IQSEC1: variants seen among roughly 807,000 people sequenced by gnomAD.
The protein encoded by IQSEC1 is IQ motif and SEC7 domain-containing protein 1.
IQSEC1 carries 31 observed loss-of-function variants against 91.0 expected under a neutral mutation model. The observed-to-expected ratio is 0.34, with a 90% confidence interval of 0.26 to 0.46. The LOEUF is 0.46. Among genes scored for constraint, IQSEC1 ranks in the 20% least tolerant of loss-of-function variants. IQSEC1 has a pLI of 1.00. For missense variants in IQSEC1, 1,388 were observed against 1,575.6 expected (o/e 0.88, Z 2.02); for synonymous variants, 699 against 662.6 (o/e 1.05, Z -0.84).
chr3:13,121,252 T>C (rs534784533), intron 2 of IQSEC1, among the ~76,000 whole-genome samples: 1 of 152,316 alleles, frequency 6.6e-6, no homozygotes, highest in Admixed American at 6.5e-5. Flanking sequence ...CCACAAAGCC[T>C]AAATAGTTAC....
At chr3:13,270,260 T>C (rs909876546) in intron 1 of IQSEC1, among the ~76,000 whole-genome samples, 1 of 152,268 alleles carries the variant, frequency 6.6e-6, no homozygotes. Flanking sequence ...TAAAACTAAA[T>C]GTTTAATTAA....
chr3:13,171,049 G>C (rs756659806), intron 1 of IQSEC1, among the ~76,000 whole-genome samples: 11 of 151,886 alleles, frequency 7.2e-5, no homozygotes, highest in African/African-American at 2.4e-4. Context: ...GCAGAGACTG[G>C]AGACTGCGCC....
At chr3:13,161,289 G>GCCAC (rs1238965796) in intron 2 of IQSEC1, among the ~76,000 whole-genome samples, 1 of 152,164 alleles carries the variant, frequency 6.6e-6, no homozygotes, top group Non-Finnish European at 1.5e-5. Context: ...AGCCCAGGGG[G>GCCAC]AGTGCGGGAG....
Position 13,055,780 on chromosome 3 carries a change from G to A in IQSEC1, c.23+17212C>T, listed in dbSNP as rs555829531. Reference sequence around the variant, plus strand: ...CAAGGTCACAGAGGGAGTACATGCTGTGCAAGGGGCCAGCAAGGACAAAAC... The same window carrying A: ...CAAGGTCACAGAGGGAGTACATGCTATGCAAGGGGCCAGCAAGGACAAAAC... On this transcript the variant is annotated intron_variant, in intron 1 of 13. Transcript: ENST00000613206. Among the ~76,000 whole-genome samples, 11 of 152,338 alleles carry A rather than the reference G, an allele frequency of 7.2e-5. No individual in the cohort carries two copies. In the South Asian group the frequency reaches 2.1e-3, roughly 29 times the overall value.
In IQSEC1 at chr3:13,277,515, C is replaced by T. The variant is rs370413484; in HGVS notation, c.272+5196G>A. On this transcript the variant is annotated intron_variant, in intron 1 of 15. Coordinates refer to the IQSEC1 transcript ENST00000648114. The stretch of plus-strand genomic sequence containing the variant: ...GTCTGTCAGACAGCTGGGAGAGCTT[C>T]GGAGACACACTCCCTCGTCTTTCTG... Among the ~76,000 whole-genome samples, 128 of 152,336 alleles carry T rather than the reference C, an allele frequency of 8.4e-4. 3 individuals are homozygous for T. In the South Asian group the frequency reaches 0.024, roughly 29 times the overall value.
chr3:13,041,518 C>T (rs1238012173), intron 1 of IQSEC1, among the ~76,000 whole-genome samples: 2 of 152,172 alleles, frequency 1.3e-5, no homozygotes, highest in Non-Finnish European at 1.5e-5. Context: ...TCAGAATAGA[C>T]GGGACAATTC....
intron 2 of IQSEC1, among the ~76,000 whole-genome samples, chr3:13,121,000 C>G (rs907982835): frequency 3.3e-5 from 5 of 152,244 alleles, no homozygotes; most frequent in Non-Finnish European, 5.9e-5. Flanking sequence ...CACCTCCTGA[C>G]TATTGCCCCA....
chr3:13,018,093 G>A (rs1356175389), intron 1 of IQSEC1, among the ~76,000 whole-genome samples: 2 of 152,200 alleles, frequency 1.3e-5, no homozygotes, highest in African/African-American at 4.8e-5. Flanking sequence ...GTGTGGGTGG[G>A]TGGCAGCGAG....
intron 1 of IQSEC1, among the ~76,000 whole-genome samples, chr3:13,240,502 C>G (rs918213132): frequency 6.6e-6 from 1 of 152,204 alleles, no homozygotes; most frequent in African/African-American, 2.4e-5. Flanking sequence ...GCAAGGGAGA[C>G]ACCAGCGGTG....
intron 1 of IQSEC1, among the ~76,000 whole-genome samples, chr3:12,998,742 G>T (rs543202627): frequency 3.2e-4 from 49 of 152,320 alleles, no homozygotes; most frequent in African/African-American, 1.1e-3. Context: ...CTGGTACATG[G>T]TTTTGCCATG....
intron 1 of IQSEC1, among the ~76,000 whole-genome samples, chr3:12,990,283 C>T (rs1701927655): frequency 1.3e-5 from 2 of 152,208 alleles, no homozygotes; most frequent in Non-Finnish European, 1.5e-5. Context: ...CACCTGGCCT[C>T]ACTCCACACA....
chr3:12,968,608 C>T (rs1227335753), intron 1 of IQSEC1, among the ~76,000 whole-genome samples: 1 of 152,214 alleles, frequency 6.6e-6, no homozygotes, highest in African/African-American at 2.4e-5. Flanking sequence ...GCGCTCATGG[C>T]TTGCAGTCCT....
intron 1 of IQSEC1, among the ~76,000 whole-genome samples, chr3:13,054,013 C>G (rs1704788786): frequency 6.6e-6 from 1 of 152,202 alleles, no homozygotes; most frequent in Non-Finnish European, 1.5e-5. Context: ...CTGCGAAACA[C>G]TTTCCCCCAC....
chr3:13,145,964 G>A (rs1031086823), intron 2 of IQSEC1, among the ~76,000 whole-genome samples: 1 of 152,122 alleles, frequency 6.6e-6, no homozygotes, highest in African/African-American at 2.4e-5. Flanking sequence ...AATCTCAGGC[G>A]GGTGCAGACC....
intron 1 of IQSEC1, among the ~76,000 whole-genome samples, chr3:13,068,233 G>T (rs550416181): frequency 6.6e-6 from 1 of 152,250 alleles, no homozygotes; most frequent in Non-Finnish European, 1.5e-5. Flanking sequence ...ATCCTTTGGT[G>T]GAAGATGGTG....
intron 1 of IQSEC1, among the ~76,000 whole-genome samples, chr3:13,276,804 G>A (rs1020089475): frequency 5.3e-5 from 8 of 152,162 alleles, no homozygotes; most frequent in Non-Finnish European, 1.2e-4. Flanking sequence ...CGGAGGGCAG[G>A]ATTCAAACTC....
At chr3:13,002,503 TGCCATTGTATTCCA>T (rs1307466961) in intron 1 of IQSEC1, among the ~76,000 whole-genome samples, 3 of 145,982 alleles carry the variant, frequency 2.1e-5, no homozygotes, top group Non-Finnish European at 4.5e-5. Context: ...GCCATGATCA[TGCCATTGTATTCCA>T]GCCTGGGTGA....
intron 1 of IQSEC1, among the ~76,000 whole-genome samples, chr3:13,041,597 C>G (rs1183200808): frequency 6.6e-6 from 1 of 152,170 alleles, no homozygotes; most frequent in African/African-American, 2.4e-5. Flanking sequence ...TGATCTCCTG[C>G]TGGCCCGGAT....
chr3:13,145,632 C>A (rs979397959), intron 2 of IQSEC1, among the ~76,000 whole-genome samples: 25 of 152,278 alleles, frequency 1.6e-4, no homozygotes, highest in African/African-American at 5.5e-4. Flanking sequence ...TGAGCTTCCA[C>A]ACGAAGAAGG....
Sources: gnomAD v4.1 joint callset for allele counts (sites outside exome capture counted in the v4.1 genomes callset) on GRCh38, gnomAD v4.1.1 for gene constraint, MANE v1.5 for transcripts, NCBI Gene and HGNC (gene_info 2026-07-23, HGNC 2026-07-21) for gene names.